Variants in PEAK1 observed in about 807,000 individuals in gnomAD.
PEAK1 encodes the protein pseudopodium enriched atypical kinase 1.
In PEAK1, 54 loss-of-function variants were observed where a neutral mutation model predicts 124.7. The observed-to-expected ratio is 0.43, with a 90% confidence interval of 0.35 to 0.54. The LOEUF is 0.54. PEAK1 is among the 20% of genes least tolerant of loss of function. The pLI, the probability that PEAK1 is intolerant of heterozygous loss-of-function variation, is 0.01. For missense variants in PEAK1, 2,046 were observed against 2,134.5 expected, an observed-to-expected ratio of 0.96 and a Z score of 0.82; for synonymous variants, 719 against 760.0, an observed-to-expected ratio of 0.95 and a Z score of 0.89.
At chr15:77,319,496 C>T (rs989336395) in intron 2 of PEAK1, among the ~76,000 whole-genome samples, 1 of 152,252 alleles carries the variant, frequency 6.6e-6, no homozygotes, top group African/African-American at 2.4e-5. Context: ...AACTGCCAGA[C>T]AGGAAATTTC....
intron 1 of PEAK1, among the ~76,000 whole-genome samples, chr15:77,386,721 G>A (rs927385507): frequency 5.9e-5 from 9 of 152,148 alleles, no homozygotes; most frequent in African/African-American, 1.9e-4. Flanking sequence ...AGAGAGAAGT[G>A]TTGCTTTCCC....
At chr15:77,353,653 T>G (rs372751062) in intron 2 of PEAK1, among the ~76,000 whole-genome samples, 1 of 152,202 alleles carries the variant, frequency 6.6e-6, no homozygotes, top group African/African-American at 2.4e-5. Flanking sequence ...ATGTCCAAAC[T>G]GTCAACTGGT....
At chr15:77,402,687 T>C (rs1191610889) in intron 1 of PEAK1, 3 of 985,280 alleles carry the variant, frequency 3.0e-6, no homozygotes, top group South Asian at 4.7e-5. Context: ...TAATGGTTCC[T>C]AGTACACTGA....
At chr15:77,400,986 A>G (rs1035886117) in intron 1 of PEAK1, among the ~76,000 whole-genome samples, 9 of 152,216 alleles carry the variant, frequency 5.9e-5, no homozygotes, top group African/African-American at 1.7e-4. Context: ...CAAACACTAC[A>G]TAACAATCTT....
At chr15:77,156,414 A>C (rs1482257397) in intron 8 of PEAK1, 3 of 152,816 alleles carry the variant, frequency 2.0e-5, no homozygotes, top group Non-Finnish European at 2.9e-5. Flanking sequence ...CCTTTCTTTG[A>C]CTAGGAAAGG....
At chr15:77,151,083 G>A (rs1375335096) in intron 8 of PEAK1, among the ~76,000 whole-genome samples, 69 of 152,206 alleles carry the variant, frequency 4.5e-4, no homozygotes, top group Non-Finnish European at 8.5e-4. Flanking sequence ...CTGAGGCATC[G>A]CCACACTGAC....
At chr15:77,335,102 T>C (rs1189292178) in intron 2 of PEAK1, 1 of 985,316 alleles carries the variant, frequency 1.0e-6, no homozygotes, top group African/African-American at 1.7e-5. Flanking sequence ...CTATAAACAG[T>C]GTTCACAAAT....
At chr15:77,230,181 C>A (rs1410340818) in intron 6 of PEAK1, among the ~76,000 whole-genome samples, 1 of 149,748 alleles carries the variant, frequency 6.7e-6, no homozygotes, top group African/African-American at 2.5e-5. Flanking sequence ...AGACATCATG[C>A]AAGTGACAGC....
chr15:77,284,378 G>A (rs552555082), intron 4 of PEAK1, among the ~76,000 whole-genome samples: 9 of 152,012 alleles, frequency 5.9e-5, no homozygotes, highest in Non-Finnish European at 1.3e-4. Context: ...TTACTGTAAG[G>A]GACTTATGGA....
intron 7 of PEAK1, among the ~76,000 whole-genome samples, chr15:77,174,581 T>TA (rs1242572351): frequency 1.3e-5 from 2 of 152,288 alleles, no homozygotes; most frequent in Admixed American, 6.5e-5. Flanking sequence ...TTCAAAAAGT[T>TA]AAAAAAAGCT....
intron 1 of PEAK1, chr15:77,370,789 T>C: frequency 2.1e-6 from 2 of 954,158 alleles, no homozygotes; most frequent in Non-Finnish European, 2.5e-6. Context: ...CTCAACACTT[T>C]GGGAGGCTGA....
At chr15:77,205,073 CAGAG>C (rs1482081793) in intron 6 of PEAK1, 1 of 218,148 alleles carries the variant, frequency 4.6e-6, no homozygotes, top group Non-Finnish European at 9.3e-6. Flanking sequence ...TTGATGAAGC[CAGAG>C]AGAAAGAAGC....
At chr15:77,351,688 T>C in intron 2 of PEAK1, 1 of 960,580 alleles carries the variant, frequency 1.0e-6, no homozygotes, top group Non-Finnish European at 1.2e-6. Flanking sequence ...TGTCCAATTC[T>C]TTGTTCAAGG....
intron 5 of PEAK1, among the ~76,000 whole-genome samples, chr15:77,261,236 C>T (rs536716502): frequency 1.3e-5 from 2 of 152,208 alleles, no homozygotes; most frequent in African/African-American, 2.4e-5. Flanking sequence ...CAAAGGAATG[C>T]AGCTCCTCAC....
chr15:77,357,997 G>A (rs1041112554), intron 2 of PEAK1, among the ~76,000 whole-genome samples: 2 of 152,082 alleles, frequency 1.3e-5, no homozygotes, highest in African/African-American at 4.8e-5. Flanking sequence ...CAGAGGAAAT[G>A]AAAACTCCCT....
chr15:77,239,187 C>T (rs1356595486), intron 6 of PEAK1, among the ~76,000 whole-genome samples: 1 of 152,150 alleles, frequency 6.6e-6, no homozygotes, highest in Non-Finnish European at 1.5e-5. Flanking sequence ...ATTGTACATA[C>T]TTTTAAGGGA....
At chr15:77,202,959 C>A (rs1331930328) in intron 6 of PEAK1, among the ~76,000 whole-genome samples, 2 of 150,862 alleles carry the variant, frequency 1.3e-5, no homozygotes, top group South Asian at 2.1e-4. Context: ...ATGGCTTAAG[C>A]CCAAGAGGCA....
intron 6 of PEAK1, among the ~76,000 whole-genome samples, chr15:77,228,131 T>A (rs2059758216): frequency 6.6e-6 from 1 of 152,008 alleles, no homozygotes; most frequent in Non-Finnish European, 1.5e-5. Context: ...TTATTATTAT[T>A]ATACTATAAG....
At chr15:77,279,842 G>GA (rs939185229) in intron 5 of PEAK1, among the ~76,000 whole-genome samples, 23 of 151,922 alleles carry the variant, frequency 1.5e-4, no homozygotes, top group Admixed American at 1.1e-3. Flanking sequence ...GTTTAGCTAG[G>GA]AAAAAAAATT....
Sources: gnomAD v4.1 joint callset for allele counts (sites outside exome capture counted in the v4.1 genomes callset) on GRCh38, gnomAD v4.1.1 for gene constraint, MANE v1.5 for transcripts, NCBI Gene and HGNC (gene_info 2026-07-23, HGNC 2026-07-21) for gene names.